DSCAM: variants seen among roughly 807,000 people sequenced by gnomAD.
DSCAM encodes the protein DS cell adhesion molecule.
A neutral mutation model predicts 217.7 loss-of-function variants in DSCAM; 47 were observed. The ratio of observed to expected loss-of-function variants is 0.22; its 90% CI spans 0.17 to 0.28. DSCAM has a LOEUF of 0.28. Among genes scored for constraint, DSCAM ranks in the 10% least tolerant of loss-of-function variants. DSCAM has a pLI of 1.00. For missense variants in DSCAM, 2,080 were observed against 2,618.3 expected, an observed-to-expected ratio of 0.79 and a Z score of 4.49; for synonymous variants, 1,056 against 1,015.3, an observed-to-expected ratio of 1.04 and a Z score of -0.76.
chr21:40,669,003 T>C (rs2090237156), intron 3 of DSCAM, among the ~76,000 whole-genome samples: 1 of 152,172 alleles, frequency 6.6e-6, no homozygotes, highest in South Asian at 2.1e-4. Flanking sequence ...ACACACCAGA[T>C]AATAAATTCC....
chr21:40,049,033 C>T (rs371631563), intron 30 of DSCAM, among the ~76,000 whole-genome samples: 21 of 152,288 alleles, frequency 1.4e-4, no homozygotes, highest in African/African-American at 1.9e-4. Context: ...TAAATTAATA[C>T]GCTCAATTTG....
chr21:40,322,400 G>A (rs2074269076), intron 8 of DSCAM, among the ~76,000 whole-genome samples: 2 of 152,152 alleles, frequency 1.3e-5, no homozygotes, highest in African/African-American at 4.8e-5. Flanking sequence ...GTTGAAACTT[G>A]TTCTGATGAC....
chr21:40,486,206 T>C (rs1159594516), intron 3 of DSCAM, among the ~76,000 whole-genome samples: 3 of 152,176 alleles, frequency 2.0e-5, no homozygotes, highest in African/African-American at 7.2e-5. Context: ...ACAAAGCACA[T>C]GAAATGCATT....
chr21:40,763,725 T>G (rs1023427817), intron 1 of DSCAM, among the ~76,000 whole-genome samples: 5 of 152,192 alleles, frequency 3.3e-5, no homozygotes, highest in Non-Finnish European at 7.3e-5. Flanking sequence ...CAAAACAGCA[T>G]GGTTCTGGTA....
At chr21:40,396,991 T>C (rs1339637829) in intron 3 of DSCAM, among the ~76,000 whole-genome samples, 1 of 152,158 alleles carries the variant, frequency 6.6e-6, no homozygotes, top group East Asian at 1.9e-4. Context: ...ATTGCCTAAC[T>C]GACCACCTGC....
At position 40,078,846 on chromosome 21, in the gene DSCAM, T is replaced by G; in HGVS notation, c.4552A>C (p.Thr1518Pro). ...CTCTGAGCTGTGGTCCAAACTGTGG[T>G]CCCAAAGGGCCTGTACTCTAGTGTG... ...SFTLEYRPFG[T>P]TVWTTAQRTS... Residue 1518 changes from threonine (T) to proline (P), a missense_variant, in exon 26 of 33, where the codon ACC (threonine) becomes CCC (proline). By Grantham distance (38) the Thr-to-Pro change is conservative. Around this residue, in one of 5 missense-constraint regions of DSCAM, gnomAD observed 1,144 missense variants for 1,421.1 expected, o/e 0.81. Transcript: ENST00000400454. 1 of 1,614,186 alleles carries G rather than the reference T, an allele frequency of 6.2e-7. No homozygotes were observed. Among genetic ancestry groups the G allele is most frequent in the Non-Finnish European group, 8.5e-7 (1 of 1,180,034 alleles).
At chr21:40,317,040 G>C (rs563691171) in intron 8 of DSCAM, among the ~76,000 whole-genome samples, 1 of 152,244 alleles carries the variant, frequency 6.6e-6, no homozygotes, top group Non-Finnish European at 1.5e-5. Flanking sequence ...TGTGTAACGA[G>C]GTGATAATGA....
chr21:40,595,527 C>G (rs369472205), intron 3 of DSCAM, among the ~76,000 whole-genome samples: 2 of 140,158 alleles, frequency 1.4e-5, no homozygotes, highest in South Asian at 2.5e-4. Flanking sequence ...CAAAAGACTC[C>G]CAGTGCTTAA....
Position 40,692,991 on chromosome 21 carries a change from C to A in DSCAM, c.362-35G>T, listed in dbSNP as rs369436960. 17 of 1,585,976 alleles carry A rather than the reference C, an allele frequency of 1.1e-5. No homozygotes were observed. In the South Asian group the frequency reaches 1.7e-4, roughly 16 times the overall value. Reference sequence around the variant, plus strand: ...AGAAAGAGGACGTCAGTAAGGCACACGGTCAACAGGCTCATTCTGAGAGTA... The same window carrying A: ...AGAAAGAGGACGTCAGTAAGGCACAAGGTCAACAGGCTCATTCTGAGAGTA... On this transcript the variant is annotated intron_variant, in intron 2 of 32. Transcript: ENST00000400454.
At chr21:40,474,444 CTTTT>C (rs931653549) in intron 3 of DSCAM, among the ~76,000 whole-genome samples, 24 of 151,886 alleles carry the variant, frequency 1.6e-4, no homozygotes, top group African/African-American at 5.8e-4. Flanking sequence ...TTCTTTCTTT[CTTTT>C]ATTGTAGGCA....
intron 2 of DSCAM, among the ~76,000 whole-genome samples, chr21:40,699,136 T>C (rs1218551348): frequency 8.1e-6 from 1 of 123,096 alleles, no homozygotes; most frequent in Non-Finnish European, 1.6e-5. Context: ...TTCAAACTTT[T>C]AAAATCATTA....
intron 6 of DSCAM, among the ~76,000 whole-genome samples, chr21:40,342,089 C>G (rs978233112): frequency 2.6e-5 from 4 of 152,098 alleles, no homozygotes; most frequent in Non-Finnish European, 5.9e-5. Context: ...CGTGTGTTTC[C>G]TTTAGTGGGT....
rs184987257 is a variant in DSCAM, at chr21:40,569,327, T to C, written c.508+123483A>G. On this transcript the variant is annotated intron_variant, in intron 3 of 32. Transcript: ENST00000400454. Reference sequence around the variant, plus strand: ...CCAGTTATTTGATGAAACCCTTATCTAGGTGTTGCTATGAAGGTTATTGTG... The same window carrying C: ...CCAGTTATTTGATGAAACCCTTATCCAGGTGTTGCTATGAAGGTTATTGTG... Among the ~76,000 whole-genome samples, 308 of 152,334 alleles carry C rather than the reference T, an allele frequency of 2.0e-3. 4 individuals carry two copies. Among genetic ancestry groups the C allele is most frequent in the Non-Finnish European group, 1.8e-3 (120 of 68,018 alleles).
chr21:40,183,502 A>C (rs2090860732), intron 14 of DSCAM, among the ~76,000 whole-genome samples: 1 of 152,226 alleles, frequency 6.6e-6, no homozygotes, highest in Non-Finnish European at 1.5e-5. Context: ...CAGGAGATAC[A>C]ATAACAAGGA....
At chr21:40,133,251 G>A (rs1430618610) in intron 19 of DSCAM, among the ~76,000 whole-genome samples, 2 of 152,122 alleles carry the variant, frequency 1.3e-5, no homozygotes, top group Non-Finnish European at 2.9e-5. Context: ...GTACGTTTGG[G>A]TAATAGTCAC....
chr21:40,308,439 T>A (rs2074103658), intron 9 of DSCAM, among the ~76,000 whole-genome samples: 1 of 152,188 alleles, frequency 6.6e-6, no homozygotes, highest in South Asian at 2.1e-4. Context: ...AATGTGCAAC[T>A]TCTGCTAGCA....
chr21:40,488,129 G>T (rs1414474962), intron 3 of DSCAM, among the ~76,000 whole-genome samples: 1 of 152,224 alleles, frequency 6.6e-6, no homozygotes, highest in African/African-American at 2.4e-5. Context: ...AACTTTTCCT[G>T]TTATGCACCC....
intron 18 of DSCAM, among the ~76,000 whole-genome samples, chr21:40,138,654 T>G (rs1452209247): frequency 2.5e-5 from 3 of 120,862 alleles, no homozygotes; most frequent in South Asian, 2.8e-4. Flanking sequence ...GTGTGGGGGG[T>G]GTGTGTGGTG....
chr21:40,136,147 T>A (rs1207853666), intron 18 of DSCAM, among the ~76,000 whole-genome samples: 2 of 152,154 alleles, frequency 1.3e-5, no homozygotes, highest in Non-Finnish European at 2.9e-5. Flanking sequence ...AACGGAGGGC[T>A]TACGAAAATG....
Sources: allele counts gnomAD v4.1 joint callset (sites outside exome capture counted in the v4.1 genomes callset), GRCh38; gene constraint gnomAD v4.1.1; regional missense constraint gnomAD v4.1.1; transcripts MANE v1.5; gene names NCBI Gene and HGNC (gene_info 2026-07-23, HGNC 2026-07-21).